The following SLC5A8 variants were observed in gnomAD, a reference collection of about 807,000 sequenced individuals.
SLC5A8 encodes the protein sodium-coupled monocarboxylate transporter 1.
Under a neutral mutation model 71.9 loss-of-function variants are expected in SLC5A8, and 55 were observed. The observed-to-expected ratio is 0.77, with a 90% CI of 0.62 to 0.96. The LOEUF is 0.96. Ranked by LOEUF, SLC5A8 falls within the 40% of genes least tolerant of loss-of-function variation. The pLI, the probability that SLC5A8 is intolerant of heterozygous loss-of-function variation, is 0.00. For synonymous variants in SLC5A8, 307 were observed against 276.1 expected (o/e 1.11, Z -1.11); for missense variants, 701 against 745.3 (o/e 0.94, Z 0.69).
At position 101,187,377 on chromosome 12, in the gene SLC5A8, G is replaced by A. The variant is rs1163201686; in HGVS notation, c.963+9C>T. On this transcript the variant is annotated intron_variant, in intron 7 of 14. Transcript: ENST00000536262. ...TTAATACACCTGTAAGAAAGACATG[G>A]TACTGAACCTGGTCTGGTGCAGACA... The A allele has an allele frequency of 1.2e-6, 2 of 1,612,010 alleles. No individual in the cohort carries two copies. The highest frequency in any genetic ancestry group is 1.3e-5 in the African/African-American group (1 of 74,836).
At chr12:101,198,559 A>G (rs1869298004) in intron 3 of SLC5A8, among the ~76,000 whole-genome samples, 1 of 151,934 alleles carries the variant, frequency 6.6e-6, no homozygotes, top group Non-Finnish European at 1.5e-5. Flanking sequence ...TTCCCTAAAA[A>G]ATACAATTTA....
In SLC5A8 at chr12:101,157,153, A is replaced by G; in HGVS notation, c.*126T>C. The G allele has an allele frequency of 2.5e-6, 3 of 1,187,020 alleles. No individual in the cohort carries two copies. The highest frequency in any genetic ancestry group is 3.4e-6 in the Non-Finnish European group (3 of 878,290). 73.5% of individuals were successfully genotyped at this position (1,187,020 alleles called of 1,614,324 possible). ...AAGATAGTCCAGACTTTGTTTTAACAAAAACTTATCCCCCAAACACTCATG... is the reference window on the plus strand; with the variant it reads ...AAGATAGTCCAGACTTTGTTTTAACGAAAACTTATCCCCCAAACACTCATG... On this transcript the variant is annotated 3_prime_UTR_variant, in exon 15 of 15. Transcript: ENST00000536262.
chr12:101,166,403 C>G (rs2051770266), intron 12 of SLC5A8, 91 bp downstream of exon 12: 2 of 1,064,930 alleles, frequency 1.9e-6, no homozygotes, highest in Admixed American at 2.9e-5. Context: ...GGCAAAATCA[C>G]AGTGTTGTAA....
rs149707334 is a variant in SLC5A8, at chr12:101,209,689, C to G, written c.160G>C (p.Ala54Pro). 6.2e-7 allele frequency: 1 copy of G among 1,613,388 alleles called. No homozygotes were observed. The highest frequency in any genetic ancestry group is 8.5e-7 in the Non-Finnish European group (1 of 1,180,022). ...GTGAGGGACAGCGCCACGGGCACTG[C>G]GGTCATTCTGCGGCCGCCCATCAGG... ...DFLMGGRRMT[A>P]VPVALSLTAS... Residue 54 changes from alanine to proline, a missense_variant, in exon 1 of 15, where the codon GCA (alanine) becomes CCA (proline). By Grantham distance (27) the Ala-to-Pro change is conservative. Coordinates refer to ENST00000536262, the MANE Select transcript of SLC5A8 (RefSeq NM_145913.5).
At chr12:101,191,771 A>G (rs1388338309) in intron 5 of SLC5A8, among the ~76,000 whole-genome samples, 2 of 152,250 alleles carry the variant, frequency 1.3e-5, no homozygotes, top group Admixed American at 1.3e-4. Context: ...TTCTCAAAAC[A>G]TATCAGAATA....
intron 3 of SLC5A8, among the ~76,000 whole-genome samples, chr12:101,197,688 A>G (rs2137163539): frequency 6.6e-6 from 1 of 152,268 alleles, no homozygotes; most frequent in Admixed American, 6.5e-5. Flanking sequence ...CTCACAATAC[A>G]TTCAGTAAAA....
intron 9 of SLC5A8, 23 bp downstream of exon 9, chr12:101,182,780 G>C (rs953707126): frequency 1.0e-5 from 15 of 1,505,750 alleles, no homozygotes; most frequent in Non-Finnish European, 1.4e-5. Flanking sequence ...AGCTAAAATG[G>C]AATTATGAAA....
At chr12:101,192,933 A>G (rs955474835) in intron 5 of SLC5A8, among the ~76,000 whole-genome samples, 1 of 150,216 alleles carries the variant, frequency 6.7e-6, no homozygotes, top group Non-Finnish European at 1.5e-5. Context: ...TGCTAATCCA[A>G]TATGCTAGTG....
intron 7 of SLC5A8, among the ~76,000 whole-genome samples, chr12:101,185,024 T>C (rs1051512229): frequency 2.0e-5 from 3 of 152,194 alleles, no homozygotes; most frequent in Non-Finnish European, 2.9e-5. Context: ...ATTGATTACT[T>C]CTCCCACAGT....
chr12:101,166,807 A>G, intron 11 of SLC5A8, 108 bp from the exon 12 acceptor site: 1 of 996,204 alleles, frequency 1.0e-6, no homozygotes, highest in Non-Finnish European at 1.4e-6. Flanking sequence ...AAAACTCACA[A>G]GGGCAGAAAC....
chr12:101,209,560 C>G lies in SLC5A8; in HGVS notation c.289G>C (p.Val97Leu). ...GGGAGGAAGACCTCCGCGCTGATGA[C>G]CACCACAAAGAAGTAGGTGAAGGCA... ...IFAFTYFFVV[V>L]ISAEVFLPVF... The change falls in exon 1 of 15, where the codon GTC (valine) becomes CTC (leucine). Residue 97 changes from valine to leucine, a missense_variant. Physicochemically the swap from Val to Leu is conservative, Grantham distance 32. Transcript: ENST00000536262. 6.2e-7 allele frequency: 1 copy of G among 1,613,866 alleles called. No individual in the cohort carries two copies. Among genetic ancestry groups the G allele is most frequent in the Non-Finnish European group, 8.5e-7 (1 of 1,179,918 alleles).
intron 14 of SLC5A8, among the ~76,000 whole-genome samples, chr12:101,157,632 A>C (rs1218601468): frequency 1.3e-5 from 2 of 152,162 alleles, no homozygotes; most frequent in African/African-American, 4.8e-5. Context: ...GATATACAAC[A>C]GATTTATAAT....
At chr12:101,166,840 G>A in intron 11 of SLC5A8, 141 bp from the exon 12 acceptor site, 1 of 687,426 alleles carries the variant, frequency 1.5e-6, no homozygotes, top group Non-Finnish European at 2.4e-6. Flanking sequence ...CTCCTCCCAA[G>A]ATAGTGCTCA....
intron 5 of SLC5A8, 23 bp from the exon 6 acceptor site, chr12:101,190,631 C>A: frequency 1.3e-6 from 2 of 1,586,130 alleles, no homozygotes; most frequent in Non-Finnish European, 1.7e-6. Flanking sequence ...AAACAGAAAA[C>A]AAATCTGAAC....
chr12:101,201,301 A>G (rs753654827), intron 3 of SLC5A8, among the ~76,000 whole-genome samples: 5 of 152,192 alleles, frequency 3.3e-5, no homozygotes, highest in Non-Finnish European at 7.4e-5. Context: ...TGGTAATAAT[A>G]TTGTTCACTT....
chr12:101,201,837 A>G (rs1869465862), intron 3 of SLC5A8, among the ~76,000 whole-genome samples: 1 of 152,174 alleles, frequency 6.6e-6, no homozygotes, highest in South Asian at 2.1e-4. Flanking sequence ...GCTCCAGGTT[A>G]TAGATTCACA....
In SLC5A8 at chr12:101,187,479, G is replaced by A; in HGVS notation, c.870C>T (p.Ile290=). 1 of 1,613,954 alleles carries A rather than the reference G, an allele frequency of 6.2e-7. No homozygotes were observed. The highest frequency in any genetic ancestry group is 8.5e-7 in the Non-Finnish European group (1 of 1,179,942). Residue 290 remains isoleucine (I), a synonymous_variant, in exon 7 of 15, where the codon ATC becomes ATT. Coordinates refer to ENST00000536262, the MANE Select transcript of SLC5A8 (RefSeq NM_145913.5). Reference sequence around the variant, plus strand: ...GCCCACAAAACACTGAGCATGTGAGGATTGCCCAGAGTCCCACAAGATTGA... The same window carrying A: ...GCCCACAAAACACTGAGCATGTGAGAATTGCCCAGAGTCCCACAAGATTGA... ...LYINLVGLWA[I]LTCSVFCGLA...
chr12:101,187,930 C>T (rs1237971474), intron 6 of SLC5A8, among the ~76,000 whole-genome samples: 1 of 152,224 alleles, frequency 6.6e-6, no homozygotes, highest in African/African-American at 2.4e-5. Flanking sequence ...TTAACATTTA[C>T]ACAGTAACTC....
intron 10 of SLC5A8, among the ~76,000 whole-genome samples, chr12:101,175,880 A>G (rs548328475): frequency 6.6e-6 from 1 of 152,234 alleles, no homozygotes; most frequent in East Asian, 1.9e-4. Flanking sequence ...AGTTTTCTAA[A>G]CAGAAAGGAA....
Sources: allele counts gnomAD v4.1 joint callset (sites outside exome capture counted in the v4.1 genomes callset), GRCh38; gene constraint gnomAD v4.1.1; transcripts MANE v1.5; gene names NCBI Gene and HGNC (gene_info 2026-07-23, HGNC 2026-07-21).